The following DPYD variants were observed in gnomAD, a reference collection of about 807,000 sequenced individuals.
DPYD encodes dihydropyrimidine dehydrogenase [NADP(+)].
A neutral mutation model predicts 116.2 loss-of-function variants in DPYD; 109 were observed. The observed-to-expected ratio is 0.94, with a 90% CI of 0.80 to 1.10. The LOEUF (loss-of-function observed/expected upper bound fraction) is 1.10. Among genes scored for constraint, DPYD ranks in the 50% least tolerant of loss-of-function variants. The pLI is 0.00. For synonymous variants in DPYD, 440 were observed against 432.0 expected (o/e 1.02, Z -0.23); for missense variants, 1,302 against 1,254.5 (o/e 1.04, Z -0.57).
intron 20 of DPYD, among the ~76,000 whole-genome samples, chr1:97,173,397 T>C (rs1570602011): frequency 6.7e-6 from 1 of 149,162 alleles, no homozygotes; most frequent in East Asian, 2.0e-4. Flanking sequence ...TACATATATG[T>C]GTGTATATAC....
chr1:97,719,417 C>T (rs896951556), intron 5 of DPYD, among the ~76,000 whole-genome samples: 3 of 151,840 alleles, frequency 2.0e-5, no homozygotes, highest in African/African-American at 4.8e-5. Context: ...CTAACCTTTG[C>T]TTAATTTGGT....
intron 8 of DPYD, among the ~76,000 whole-genome samples, chr1:97,621,882 G>C (rs1489773942): frequency 1.3e-5 from 2 of 151,812 alleles, no homozygotes; most frequent in Admixed American, 6.6e-5. Flanking sequence ...AGGGACACAG[G>C]AGTAAACTAA....
intron 8 of DPYD, among the ~76,000 whole-genome samples, chr1:97,678,238 T>G (rs1006396393): frequency 6.6e-6 from 1 of 152,152 alleles, no homozygotes; most frequent in Non-Finnish European, 1.5e-5. Context: ...GATAATTTAA[T>G]GCCATTAGAT....
intron 12 of DPYD, among the ~76,000 whole-genome samples, chr1:97,526,048 A>C (rs1649065036): frequency 6.6e-6 from 1 of 151,606 alleles, no homozygotes; most frequent in South Asian, 2.1e-4. Flanking sequence ...AATGACACAA[A>C]GATTCACCAA....
intron 20 of DPYD, among the ~76,000 whole-genome samples, chr1:97,186,949 T>C (rs148034084): frequency 6.6e-6 from 1 of 152,348 alleles, no homozygotes; most frequent in East Asian, 1.9e-4. Context: ...TTTTTATGGC[T>C]GAATAGTATT....
intron 20 of DPYD, among the ~76,000 whole-genome samples, chr1:97,164,078 A>T (rs905592091): frequency 6.6e-6 from 1 of 152,204 alleles, no homozygotes; most frequent in Non-Finnish European, 1.5e-5. Flanking sequence ...TTAATTCACC[A>T]TGACCAAGTA....
intron 18 of DPYD, among the ~76,000 whole-genome samples, chr1:97,268,421 T>C (rs1570798792): frequency 6.6e-6 from 1 of 152,152 alleles, no homozygotes; most frequent in East Asian, 1.9e-4. Flanking sequence ...ATTGCCCTAG[T>C]AATAGCTCTT....
At chr1:97,170,340 A>G (rs905755585) in intron 20 of DPYD, among the ~76,000 whole-genome samples, 2 of 152,186 alleles carry the variant, frequency 1.3e-5, no homozygotes, top group Non-Finnish European at 2.9e-5. Context: ...AATAAGAATT[A>G]TAAGCCAATT....
intron 18 of DPYD, among the ~76,000 whole-genome samples, chr1:97,269,874 C>G (rs1259271166): frequency 2.0e-5 from 3 of 152,124 alleles, no homozygotes; most frequent in African/African-American, 7.2e-5. Flanking sequence ...GAGGGAGGGG[C>G]ACAATTCAGT....
rs536337338 is a variant in DPYD, at chr1:97,700,369, A to T, written c.484-822T>A. The T allele has an allele frequency of 1.6e-3, 690 of 435,586 alleles. 6 individuals carry two copies. Among genetic ancestry groups the T allele is most frequent in the South Asian group, 2.9e-3 (177 of 60,268 alleles). 27.0% of individuals were successfully genotyped at this position (435,586 alleles called of 1,614,324 possible). A position where few individuals can be genotyped will look rare whatever the true frequency, so the allele number is the denominator to read the frequency against. ...AAGTGCATATGACAAAAACCTAAAG[A>T]TCTAAACAGAAAACCCTATGGTCCA... is the stretch of plus-strand genomic sequence containing the variant. On this transcript the variant is annotated intron_variant, in intron 5 of 22. Coordinates refer to ENST00000370192, the MANE Select transcript of DPYD (RefSeq NM_000110.4).
At chr1:97,896,764 T>C (rs1673092190) in intron 1 of DPYD, among the ~76,000 whole-genome samples, 1 of 151,918 alleles carries the variant, frequency 6.6e-6, no homozygotes, top group African/African-American at 2.4e-5. Context: ...CTCTTTGGAT[T>C]TGTCTGTTTT....
intron 3 of DPYD, among the ~76,000 whole-genome samples, chr1:97,816,625 A>C (rs1251172178): frequency 6.6e-6 from 1 of 152,190 alleles, no homozygotes; most frequent in Non-Finnish European, 1.5e-5. Flanking sequence ...ATACTGTTTC[A>C]TAATGTAAAT....
At chr1:97,194,480 C>T (rs1658607331) in intron 19 of DPYD, among the ~76,000 whole-genome samples, 1 of 151,940 alleles carries the variant, frequency 6.6e-6, no homozygotes. Context: ...TTATAAATTA[C>T]CCAGTCTCAG....
chr1:97,546,191 T>G, intron 12 of DPYD: 7 of 1,514,012 alleles, frequency 4.6e-6, no homozygotes, highest in Non-Finnish European at 6.4e-6. Context: ...AGGGTGAAAC[T>G]AACAAGAACA....
chr1:97,693,314 A>T, intron 6 of DPYD, among the ~76,000 whole-genome samples: 1 of 126,526 alleles, frequency 7.9e-6, no homozygotes, highest in East Asian at 2.0e-4. Context: ...AAAAAAAAAA[A>T]AAACCAAAAA....
At chr1:97,517,440 T>A (rs775261735) in intron 12 of DPYD, among the ~76,000 whole-genome samples, 11 of 152,124 alleles carry the variant, frequency 7.2e-5, no homozygotes, top group Non-Finnish European at 1.2e-4. Context: ...AAAAAGTCAG[T>A]TAGCAGTAAA....
intron 21 of DPYD, among the ~76,000 whole-genome samples, chr1:97,087,823 T>C (rs1557855406): frequency 6.6e-6 from 1 of 152,232 alleles, no homozygotes. Context: ...AAATTCTTTA[T>C]GGGATTCTAG....
chr1:97,249,380 GA>G (rs1477665988), intron 18 of DPYD, among the ~76,000 whole-genome samples: 1 of 151,872 alleles, frequency 6.6e-6, no homozygotes, highest in Non-Finnish European at 1.5e-5. Flanking sequence ...TTTTTAAGAG[GA>G]AGGGGGGAGA....
intron 19 of DPYD, among the ~76,000 whole-genome samples, chr1:97,215,963 T>C: frequency 6.6e-6 from 1 of 152,208 alleles, no homozygotes; most frequent in East Asian, 1.9e-4. Context: ...TGCAAATTAA[T>C]GTTCTCCTGG....
Sources: allele counts gnomAD v4.1 joint callset (sites outside exome capture counted in the v4.1 genomes callset), GRCh38; gene constraint gnomAD v4.1.1; transcripts MANE v1.5; gene names NCBI Gene and HGNC (gene_info 2026-07-23, HGNC 2026-07-21).